ENTPD5: variants seen among roughly 807,000 people sequenced by gnomAD.
ENTPD5 encodes nucleoside diphosphate phosphatase ENTPD5.
Under a neutral mutation model 60.2 loss-of-function variants are expected in ENTPD5, and 49 were observed. The observed-to-expected ratio is 0.81, with a 90% confidence interval of 0.65 to 1.03. The LOEUF (loss-of-function observed/expected upper bound fraction) is 1.03, where lower values mean the gene tolerates loss of function less well. Among genes scored for constraint, ENTPD5 ranks in the 50% least tolerant of loss-of-function variants. ENTPD5 has a pLI of 0.00. For missense variants in ENTPD5, 480 were observed against 507.6 expected, an observed-to-expected ratio of 0.95 and a Z score of 0.52; for synonymous variants, 187 against 185.4, an observed-to-expected ratio of 1.01 and a Z score of -0.07.
chr14:74,013,237 T>C (rs1236289078), intron 2 of ENTPD5, among the ~76,000 whole-genome samples: 1 of 152,244 alleles, frequency 6.6e-6, no homozygotes, highest in Non-Finnish European at 1.5e-5. Flanking sequence ...CTACTCCCTA[T>C]TTTAAGCATA....
rs143691917 is a variant in ENTPD5 at position 74,007,349 on chromosome 14, G to A, written c.-71+3742C>T. Among the ~76,000 whole-genome samples, 1,410 of 151,346 alleles carry A rather than the reference G, an allele frequency of 9.3e-3. 12 individuals are homozygous for A. Among genetic ancestry groups the A allele is most frequent in the Non-Finnish European group, 0.013 (870 of 67,634 alleles). On this transcript the variant is annotated intron_variant, in intron 3 of 15. Transcript: ENST00000334696. ...ATCCTGGCTAACACGGTGAAACCCCGTCTCTACTAAAAATATAAAAAATTA... is the reference window on the plus strand; with the variant it reads ...ATCCTGGCTAACACGGTGAAACCCCATCTCTACTAAAAATATAAAAAATTA...
intron 5 of ENTPD5, among the ~76,000 whole-genome samples, chr14:73,983,945 C>A (rs947763376): frequency 3.3e-5 from 5 of 152,244 alleles, no homozygotes; most frequent in African/African-American, 1.2e-4. Flanking sequence ...CCCACCTCAC[C>A]CTCCCAAAGT....
At chr14:73,985,002 G>C (rs1335374333) in intron 5 of ENTPD5, among the ~76,000 whole-genome samples, 1 of 152,100 alleles carries the variant, frequency 6.6e-6, no homozygotes, top group African/African-American at 2.4e-5. Flanking sequence ...TTGGTTTTCT[G>C]TTCTTGCGAC....
intron 3 of ENTPD5, among the ~76,000 whole-genome samples, chr14:73,998,638 G>A (rs2058412056): frequency 6.6e-6 from 1 of 152,208 alleles, no homozygotes; most frequent in African/African-American, 2.4e-5. Flanking sequence ...GTGTCAAGCA[G>A]CACAGTTACT....
chr14:73,958,172 C>T, downstream of ENTPD5: 1 of 1,614,112 alleles, frequency 6.2e-7, no homozygotes, highest in Non-Finnish European at 8.5e-7. Context: ...TCTACAGGAG[C>T]AAAGCCATTC....
chr14:74,013,498 T>TA (rs1369143491), intron 2 of ENTPD5, among the ~76,000 whole-genome samples: 1 of 142,282 alleles, frequency 7.0e-6, no homozygotes, highest in African/African-American at 3.1e-5. Context: ...TTTTTTGTGA[T>TA]TTTTTTTTAA....
At chr14:73,991,450 T>C (rs1317336921) in intron 3 of ENTPD5, among the ~76,000 whole-genome samples, 1 of 151,968 alleles carries the variant, frequency 6.6e-6, no homozygotes, top group African/African-American at 2.4e-5. Context: ...TAGTTAGTTG[T>C]GGTGGTGCAT....
chr14:74,001,787 G>A (rs1433848517), intron 3 of ENTPD5, among the ~76,000 whole-genome samples: 1 of 151,602 alleles, frequency 6.6e-6, no homozygotes, highest in East Asian at 1.9e-4. Flanking sequence ...AGTGGAGGCT[G>A]AGGTGAACTG....
In ENTPD5 at chr14:73,977,299, C is replaced by A. The variant is rs769740539; in HGVS notation, c.517G>T (p.Gly173Cys). The A allele has an allele frequency of 8.1e-6, 13 of 1,610,386 alleles. No individual in the cohort carries two copies. Among genetic ancestry groups the A allele is most frequent in the Non-Finnish European group, 1.1e-5 (13 of 1,177,934 alleles). ...SVSIMDGSDEGILAWVTVNFL... is the reference protein window; with the variant it reads ...SVSIMDGSDECILAWVTVNFL... ...GAACGCATATCAACACCTCTCCCACCTTCGTCGGATCCATCCATGATGCTA... is the reference window on the plus strand; with the variant it reads ...GAACGCATATCAACACCTCTCCCACATTCGTCGGATCCATCCATGATGCTA... Residue 173 changes from glycine to cysteine, a missense_variant and splice_region_variant, in exon 7 of 16, where the codon GGC (glycine) becomes TGC (cysteine). Gly to Cys is a radical substitution (Grantham distance 159). Transcript: ENST00000334696.
In ENTPD5 at chr14:73,963,366, T is replaced by TTTGA. The variant is rs1292514588; in HGVS notation, c.*3558_*3561dup. On this transcript the variant is annotated 3_prime_UTR_variant, in exon 16 of 16. Transcript: ENST00000334696. ...TGGTCATAAATTTATACAGTTGTTT[T>TTTGA]TTGATAGAGGTAAGAATTAGACTCG... 4 of 371,516 alleles carry TTTGA rather than the reference T, an allele frequency of 1.1e-5. No homozygotes were observed. The highest frequency in any genetic ancestry group is 9.1e-5 in the East Asian group (2 of 21,956). The allele number at this position is 371,516 out of a possible 1,614,324, so 23.0% of individuals were successfully genotyped here. A position where few individuals can be genotyped will look rare whatever the true frequency, so the allele number is the denominator to read the frequency against.
downstream of ENTPD5, chr14:73,961,362 G>A (rs772101037): frequency 6.2e-7 from 1 of 1,614,202 alleles, no homozygotes; most frequent in South Asian, 1.1e-5. Context: ...CAGGCCTCGG[G>A]TGGCGCTCAT....
downstream of ENTPD5, chr14:73,961,171 A>C (rs769863518): frequency 1.9e-6 from 3 of 1,613,132 alleles, no homozygotes; most frequent in Non-Finnish European, 2.5e-6. Context: ...GATGCTGCTC[A>C]GTGGAGTGAT....
chr14:73,994,318 G>T (rs1259341119), intron 3 of ENTPD5, among the ~76,000 whole-genome samples: 1 of 151,694 alleles, frequency 6.6e-6, no homozygotes, highest in African/African-American at 2.4e-5. Flanking sequence ...GTAAAGATGG[G>T]GTTTCACCAT....
At chr14:73,979,308 C>A (rs1032866456) in intron 6 of ENTPD5, among the ~76,000 whole-genome samples, 1 of 151,934 alleles carries the variant, frequency 6.6e-6, no homozygotes, top group Non-Finnish European at 1.5e-5. Flanking sequence ...CTCCATAGCA[C>A]CTGCAGAACC....
rs2057333738 is a variant in ENTPD5 at position 73,973,943 on chromosome 14, G to A, written c.820C>T (p.Pro274Ser). Residue 274 changes from proline (P) to serine (S), a missense_variant, in exon 12 of 16, where the codon CCG becomes TCG. Transcript: ENST00000334696. ...ATCCACTCTGCTTCCAACCATCTCG[G>A]TAAACAGGCACTCCGGAAAGTGTGC... is the stretch of plus-strand genomic sequence containing the variant. Reference protein sequence around the residue: ...DGHTFRSACLPRWLEAEWIFG... With the variant: ...DGHTFRSACLSRWLEAEWIFG... 3 of 1,613,926 alleles carry A rather than the reference G, an allele frequency of 1.9e-6. No individual in the cohort carries two copies. The highest frequency in any genetic ancestry group is 2.5e-6 in the Non-Finnish European group (3 of 1,180,002).
chr14:73,987,699 A>T (rs1386455979), intron 4 of ENTPD5, among the ~76,000 whole-genome samples, 187 bp downstream of exon 4: 1 of 152,138 alleles, frequency 6.6e-6, no homozygotes, highest in Non-Finnish European at 1.5e-5. Flanking sequence ...AATAAAAACA[A>T]AACAAATAAA....
chr14:73,989,481 T>C lies in ENTPD5; in HGVS notation c.-70-1309A>G, dbSNP rs373580723. Among the ~76,000 whole-genome samples the C allele has an allele frequency of 1.3e-4, 20 of 151,038 alleles. No individual in the cohort carries two copies. In the East Asian group the frequency reaches 3.4e-3, roughly 25 times the overall value. ...GGGAGGCCGAGGCGGGCGGATCACC[T>C]GAGGTCAGGAGTTTGAGACCAGCCT... On this transcript the variant is annotated intron_variant, in intron 3 of 15. Coordinates refer to ENST00000334696, the MANE Select transcript of ENTPD5 (RefSeq NM_001249.5).
rs145429634 is a variant in ENTPD5 at position 73,975,663 on chromosome 14, C to G, written c.722+273G>C. On this transcript the variant is annotated intron_variant, in intron 10 of 15. Coordinates refer to ENST00000334696, the MANE Select transcript of ENTPD5 (RefSeq NM_001249.5). Reference sequence around the variant, plus strand: ...AGGTGACCCACCCACCTCGGCCTCCCAAAGTGCAGGGATTACAGGCATGAA... The same window carrying G: ...AGGTGACCCACCCACCTCGGCCTCCGAAAGTGCAGGGATTACAGGCATGAA... Among the ~76,000 whole-genome samples the G allele has an allele frequency of 8.8e-3, 1,334 of 152,228 alleles. 13 individuals carry two copies. The highest frequency in any genetic ancestry group is 0.031 in the African/African-American group (1,277 of 41,532).
In ENTPD5 at chr14:73,973,007, G is replaced by A. The variant is rs755524631; in HGVS notation, c.904C>T (p.Pro302Ser). ...GNQEGEVGFE[P>S]CYAEVLRVVR... The stretch of plus-strand genomic sequence containing the variant: ...ACCCTCAGCACTTCGGCATAGCAGG[G>A]CTCAAAGCCCACCTCCCCTGCCAGG... The change falls in exon 13 of 16, where the codon CCC (proline) becomes TCC (serine). Residue 302 changes from proline to serine, a missense_variant. Coordinates refer to ENST00000334696, the MANE Select transcript of ENTPD5 (RefSeq NM_001249.5). 2.5e-6 allele frequency: 4 copies of A among 1,614,034 alleles called. No individual in the cohort carries two copies. Among genetic ancestry groups the A allele is most frequent in the East Asian group, 4.5e-5 (2 of 44,904 alleles).
Sources: allele counts gnomAD v4.1 joint callset (sites outside exome capture counted in the v4.1 genomes callset), GRCh38; gene constraint gnomAD v4.1.1; transcripts MANE v1.5; gene names NCBI Gene and HGNC (gene_info 2026-07-23, HGNC 2026-07-21).